TTC19: variants seen among roughly 807,000 people sequenced by gnomAD.
TTC19 encodes tetratricopeptide repeat protein 19, mitochondrial.
A neutral mutation model predicts 49.5 loss-of-function variants in TTC19; 38 were observed. That is an observed-to-expected ratio of 0.77 (90% CI 0.59 to 1.01). The LOEUF (loss-of-function observed/expected upper bound fraction) is 1.01, where lower values mean the gene tolerates loss of function less well. TTC19 is among the 50% of genes least tolerant of loss of function. The pLI, the probability that TTC19 is intolerant of heterozygous loss-of-function variation, is 0.00. For synonymous variants in TTC19, 204 were observed against 185.2 expected (o/e 1.10, Z -0.83); for missense variants, 475 against 477.7 (o/e 0.99, Z 0.05).
intron 7 of TTC19, among the ~76,000 whole-genome samples, chr17:16,014,899 T>C (rs1041955157): frequency 6.6e-5 from 10 of 152,180 alleles, no homozygotes; most frequent in Non-Finnish European, 1.5e-4. Context: ...ATATCCAATT[T>C]GGTACCAAGA....
At chr17:16,015,309 T>C (rs943428532) in intron 7 of TTC19, among the ~76,000 whole-genome samples, 8 of 152,172 alleles carry the variant, frequency 5.3e-5, no homozygotes, top group Admixed American at 1.3e-4. Flanking sequence ...TTAATTTCAA[T>C]ATAGGACAGT....
Position 16,027,605 on chromosome 17 carries a change from G to A in TTC19, c.*83G>A, listed in dbSNP as rs184431150. 3.4e-4 allele frequency: 512 copies of A among 1,514,422 alleles called. 5 individuals are homozygous for A. In the African/African-American group the frequency reaches 5.9e-3, roughly 18 times the overall value. 93.8% of individuals were successfully genotyped at this position (1,514,422 alleles called of 1,614,324 possible). On this transcript the variant is annotated 3_prime_UTR_variant, in exon 10 of 10. Transcript: ENST00000261647. ...CTGTCTCTGTGGCACCCGATCAATG[G>A]CTTAAATCTGTCGTTTTTGATATTC... is the stretch of plus-strand genomic sequence containing the variant.
intron 7 of TTC19, among the ~76,000 whole-genome samples, chr17:16,018,614 C>T (rs1196752340): frequency 6.6e-6 from 1 of 152,138 alleles, no homozygotes; most frequent in Non-Finnish European, 1.5e-5. Context: ...TCAACTGATC[C>T]TCCTACCTCA....
chr17:16,032,813 CA>C (rs1485995916), downstream of TTC19, among the ~76,000 whole-genome samples: 1 of 152,182 alleles, frequency 6.6e-6, no homozygotes, highest in Non-Finnish European at 1.5e-5. Context: ...CAGGTTATAG[CA>C]AGAGCTTTCT....
At chr17:16,036,166 G>C (rs895641205) in intron 2 of TTC19, among the ~76,000 whole-genome samples, 1 of 152,208 alleles carries the variant, frequency 6.6e-6, no homozygotes, top group Non-Finnish European at 1.5e-5. Context: ...TGTTGTGTTA[G>C]CAGGCATGAA....
chr17:16,039,723 C>T, intron 2 of TTC19: 6 of 1,363,790 alleles, frequency 4.4e-6, no homozygotes, highest in South Asian at 2.5e-5. Flanking sequence ...ATGCATTGCC[C>T]CATCAGCCCA....
chr17:16,038,549 A>ACCTC (rs1236194258), intron 2 of TTC19, among the ~76,000 whole-genome samples: 1 of 149,696 alleles, frequency 6.7e-6, no homozygotes, highest in East Asian at 2.0e-4. Flanking sequence ...TGATCTTCCC[A>ACCTC]CCTCGGCCCC....
intron 4 of TTC19, 129 bp downstream of exon 4, chr17:16,002,960 A>T: frequency 1.1e-6 from 1 of 903,890 alleles, no homozygotes; most frequent in Non-Finnish European, 1.8e-6. Context: ...AACAAGATAA[A>T]AGTGTATTTC....
chr17:16,021,163 G>A lies in TTC19; in HGVS notation c.677-3854G>A, dbSNP rs184891224. On this transcript the variant is annotated intron_variant, in intron 7 of 9. Coordinates refer to ENST00000261647, the MANE Select transcript of TTC19 (RefSeq NM_017775.4). ...AGCACTTTGGGAGGCCAAGGCGGGC[G>A]GATCATGAGGTCAGGAGTTCAAGAC... Among the ~76,000 whole-genome samples the A allele has an allele frequency of 7.9e-4, 121 of 152,256 alleles. 2 individuals carry two copies. The East Asian group carries it at 0.016, about 20-fold the overall frequency.
rs2151697074 is a variant in TTC19 at position 16,029,031 on chromosome 17, A to C, written c.*1509A>C. The C allele has an allele frequency of 2.2e-6, 1 of 450,038 alleles. No individual in the cohort carries two copies. Among genetic ancestry groups the C allele is most frequent in the African/African-American group, 2.0e-5 (1 of 49,864 alleles). 27.9% of individuals were successfully genotyped at this position (450,038 alleles called of 1,614,324 possible). A position where few individuals can be genotyped will look rare whatever the true frequency, so the allele number is the denominator to read the frequency against. ...CTCAGAGAGATAAGATACAATATAA[A>C]TCAGACTGTTTCAGTAGAAACCAGT... On this transcript the variant is annotated 3_prime_UTR_variant, in exon 10 of 10. Transcript: ENST00000261647.
At chr17:16,039,262 T>C (rs1004620989) in intron 2 of TTC19, 5 of 630,002 alleles carry the variant, frequency 7.9e-6, no homozygotes, top group Non-Finnish European at 1.4e-5. Flanking sequence ...GTTCATATTA[T>C]AATGTCTGGG....
At chr17:16,024,595 G>A (rs111413008) in intron 7 of TTC19, 18 of 242,914 alleles carry the variant, frequency 7.4e-5, no homozygotes, top group African/African-American at 1.6e-4. Flanking sequence ...GTGAGCCACC[G>A]CGCCCGGCCT....
intron 7 of TTC19, chr17:16,023,450 A>G (rs761544031): frequency 2.6e-5 from 4 of 152,218 alleles, no homozygotes; most frequent in Non-Finnish European, 4.4e-5. Flanking sequence ...TGGAAACAAG[A>G]CATCATTCTA....
chr17:16,009,139 G>C (rs145625618), intron 7 of TTC19, among the ~76,000 whole-genome samples: 213 of 152,344 alleles, frequency 1.4e-3, no homozygotes, highest in African/African-American at 5.0e-3. Flanking sequence ...TCCAGTTTCA[G>C]TGCAGTGTGG....
At position 16,025,084 on chromosome 17, in the gene TTC19, GT is replaced by G. The variant is rs1971505492; in HGVS notation, c.746del (p.Phe249SerfsTer33). On this transcript the variant is annotated frameshift_variant, in exon 8 of 10. Coordinates refer to ENST00000261647, the MANE Select transcript of TTC19 (RefSeq NM_017775.4). LOFTEE classifies it high-confidence loss of function. ...CLDACARYLL[F>X]SKQPSQAQRM... ...TAGACGCCTGTGCTCGCTACCTTCTGTTCTCCAAGCAGCCGTCACAGGCACA... is the reference window on the plus strand; with the variant it reads ...TAGACGCCTGTGCTCGCTACCTTCTGTCTCCAAGCAGCCGTCACAGGCACA... The G allele has an allele frequency of 1.9e-6, 3 of 1,613,798 alleles. No individual in the cohort carries two copies. In the African/African-American group the frequency reaches 4.0e-5, roughly 22 times the overall value.
At chr17:16,004,756 G>A (rs1970845741) in intron 6 of TTC19, among the ~76,000 whole-genome samples, 1 of 152,210 alleles carries the variant, frequency 6.6e-6, no homozygotes, top group South Asian at 2.1e-4. Context: ...TTTTAGTGGT[G>A]CAGAAGTTGG....
Position 16,002,807 on chromosome 17 carries a change from A to G in TTC19, c.438A>G (p.Ala146=). 6.2e-7 allele frequency: 1 copy of G among 1,614,090 alleles called. No individual in the cohort carries two copies. The highest frequency in any genetic ancestry group is 8.5e-7 in the Non-Finnish European group (1 of 1,179,994). Residue 146 remains alanine, a synonymous_variant, in exon 4 of 10, where the codon GCA becomes GCG. Coordinates refer to ENST00000261647, the MANE Select transcript of TTC19 (RefSeq NM_017775.4). ...TYTYDLMANL[A]FIRGQLENAE... ...TTTGCTTTCAGATGGCCAACTTAGC[A>G]TTTATACGGGGTCAGCTTGAAAATG...
chr17:15,999,936 C>T lies in TTC19; in HGVS notation c.88C>T (p.Pro30Ser). 1 of 1,333,850 alleles carries T rather than the reference C, an allele frequency of 7.5e-7. No individual in the cohort carries two copies. Among genetic ancestry groups the T allele is most frequent in the South Asian group, 2.0e-5 (1 of 50,498 alleles). The allele number at this position is 1,333,850 out of a possible 1,614,324, so 82.6% of individuals were successfully genotyped here. A position where few individuals can be genotyped will look rare whatever the true frequency, so the allele number is the denominator to read the frequency against. Reference protein sequence around the residue: ...RCRGCSARLLPGLAGGPGPEV... With the variant: ...RCRGCSARLLSGLAGGPGPEV... ...CCGGGGCTGCTCCGCGCGCCTGCTC[C>T]CGGGGCTGGCAGGAGGTCCGGGGCC... The change falls in exon 1 of 10, where the codon CCG (proline) becomes TCG (serine). Residue 30 changes from proline (P) to serine (S), a missense_variant. Physicochemically the swap from Pro to Ser is moderately conservative, Grantham distance 74. Coordinates refer to ENST00000261647, the MANE Select transcript of TTC19 (RefSeq NM_017775.4).
At position 16,040,506 on chromosome 17, in the gene TTC19, C is replaced by A. The variant is rs777260110; in HGVS notation, c.248-3997C>A. ...TGGCTGAGCAGCTGCTATATTTAAG[C>A]AAACATTCAAGTTAATTAAGATGTG... On this transcript the variant is annotated intron_variant, in intron 2 of 2. Coordinates refer to the TTC19 transcript ENST00000470649. 5 of 1,611,568 alleles carry A rather than the reference C, an allele frequency of 3.1e-6. No homozygotes were observed. In the African/African-American group the frequency reaches 6.7e-5, roughly 22 times the overall value.
Sources: gnomAD v4.1 joint callset for allele counts (sites outside exome capture counted in the v4.1 genomes callset) on GRCh38, gnomAD v4.1.1 for gene constraint, MANE v1.5 for transcripts, NCBI Gene and HGNC (gene_info 2026-07-23, HGNC 2026-07-21) for gene names.